RNF38: variants seen among roughly 807,000 people sequenced by gnomAD.
RNF38 encodes the protein E3 ubiquitin-protein ligase RNF38.
RNF38 carries 15 observed loss-of-function variants against 67.2 expected under a neutral mutation model. That is an observed-to-expected ratio of 0.22 (90% CI 0.15 to 0.34). The LOEUF (loss-of-function observed/expected upper bound fraction) is 0.34, where lower values mean the gene tolerates loss of function less well. Among genes scored for constraint, RNF38 ranks in the 10% least tolerant of loss-of-function variants. The pLI is 1.00. For missense variants in RNF38, 524 were observed against 639.9 expected (o/e 0.82, Z 1.95); for synonymous variants, 220 against 218.8 (o/e 1.01, Z -0.05).
chr9:36,364,175 C>G (rs930567880), intron 4 of RNF38, among the ~76,000 whole-genome samples: 32 of 152,174 alleles, frequency 2.1e-4, no homozygotes, highest in African/African-American at 7.5e-4. Context: ...CTCTCCTCCA[C>G]CAGAGACAGC....
chr9:36,457,785 G>A (rs1839627831), intron 1 of RNF38, among the ~76,000 whole-genome samples: 1 of 152,118 alleles, frequency 6.6e-6, no homozygotes, highest in East Asian at 1.9e-4. Context: ...GTGGGCACCT[G>A]TGAGCTGAGA....
Position 36,342,522 on chromosome 9 carries a change from C to A in RNF38, c.1386-98G>T, listed in dbSNP as rs903895283. The A allele has an allele frequency of 1.6e-5, 12 of 769,092 alleles. No homozygotes were observed. In the South Asian group the frequency reaches 1.6e-4, roughly 10 times the overall value. The allele number at this position is 769,092 out of a possible 1,614,324, so 47.6% of individuals were successfully genotyped here. The stretch of plus-strand genomic sequence containing the variant: ...AAGATAATTTATTCTGTTATCAAAA[C>A]GTCACTTAAATTTTTAAACAAAATT... On this transcript the variant is annotated intron_variant, in intron 10 of 11. Transcript: ENST00000259605.
intron 1 of RNF38, among the ~76,000 whole-genome samples, chr9:36,435,034 C>T (rs1292838131): frequency 1.3e-5 from 2 of 152,144 alleles, no homozygotes; most frequent in Non-Finnish European, 2.9e-5. Context: ...AAAGAAAAAG[C>T]TCCACTATAT....
intron 2 of RNF38, among the ~76,000 whole-genome samples, chr9:36,379,042 A>G (rs999403515): frequency 1.3e-5 from 2 of 151,998 alleles, no homozygotes; most frequent in Non-Finnish European, 2.9e-5. Context: ...CTGGGATTAC[A>G]GGCATGCACC....
At chr9:36,406,854 G>A (rs1838196320) in intron 2 of RNF38, among the ~76,000 whole-genome samples, 1 of 152,160 alleles carries the variant, frequency 6.6e-6, no homozygotes, top group Non-Finnish European at 1.5e-5. Flanking sequence ...CCAGCTAAAA[G>A]GACTGAATAA....
chr9:36,403,045 C>T (rs1052597713), upstream of RNF38, among the ~76,000 whole-genome samples: 21 of 152,088 alleles, frequency 1.4e-4, no homozygotes, highest in African/African-American at 4.8e-4. Flanking sequence ...AGCAGTCCTC[C>T]CATATTGGCC....
At chr9:36,461,702 G>T (rs1360602165) in intron 1 of RNF38, among the ~76,000 whole-genome samples, 1 of 152,106 alleles carries the variant, frequency 6.6e-6, no homozygotes, top group Admixed American at 6.6e-5. Context: ...GAGATGTGCT[G>T]GAAAGGACAA....
intron 1 of RNF38, among the ~76,000 whole-genome samples, chr9:36,462,408 C>A (rs577698827): frequency 6.6e-6 from 1 of 152,214 alleles, no homozygotes; most frequent in Admixed American, 6.5e-5. Flanking sequence ...AGCACAGCGG[C>A]CAGAAAGATC....
chr9:36,404,304 C>T (rs764254689), upstream of RNF38, among the ~76,000 whole-genome samples: 6 of 152,150 alleles, frequency 3.9e-5, no homozygotes, highest in Non-Finnish European at 7.3e-5. Flanking sequence ...TATCCCTGTG[C>T]TGATCCACAC....
chr9:36,411,466 C>T (rs549394502), intron 2 of RNF38, among the ~76,000 whole-genome samples: 1 of 152,262 alleles, frequency 6.6e-6, no homozygotes, highest in African/African-American at 2.4e-5. Flanking sequence ...ACTTGTCCAC[C>T]CGTGTTCATA....
intron 4 of RNF38, among the ~76,000 whole-genome samples, chr9:36,361,578 A>T (rs1834539110): frequency 6.6e-6 from 1 of 152,216 alleles, no homozygotes; most frequent in East Asian, 1.9e-4. Flanking sequence ...ATGAGATCAT[A>T]CAACACTTGA....
intron 10 of RNF38, among the ~76,000 whole-genome samples, chr9:36,344,544 TGAC>T (rs1351054202): frequency 6.6e-6 from 1 of 152,182 alleles, no homozygotes; most frequent in African/African-American, 2.4e-5. Flanking sequence ...CTTTCTAAGA[TGAC>T]AGAAATGTTC....
chr9:36,404,614 A>G (rs1270255012), upstream of RNF38, among the ~76,000 whole-genome samples: 1 of 152,224 alleles, frequency 6.6e-6, no homozygotes, highest in Non-Finnish European at 1.5e-5. Context: ...ATAGTTTTCT[A>G]TCAAGGTCTT....
intron 1 of RNF38, among the ~76,000 whole-genome samples, chr9:36,451,019 T>C (rs1839424742): frequency 6.6e-6 from 1 of 152,154 alleles, no homozygotes. Flanking sequence ...TAAAGTATAC[T>C]TAAATACGAC....
At chr9:36,460,166 A>G (rs1031080084) in intron 1 of RNF38, among the ~76,000 whole-genome samples, 3 of 152,204 alleles carry the variant, frequency 2.0e-5, no homozygotes, top group African/African-American at 7.2e-5. Context: ...TGCCTAGAAG[A>G]TACTAAGAAT....
rs2133585209 is a variant in RNF38 at position 36,357,830 on chromosome 9, C to G, written c.683G>C (p.Gly228Ala). Residue 228 changes from glycine (G) to alanine (A), a missense_variant, in exon 5 of 12, where the codon GGA becomes GCA. This residue lies in a region of RNF38 where 461 missense variants were observed against 517.4 expected (regional missense o/e 0.89). Transcript: ENST00000259605. ...IPACSTQQVP[G>A]CSVVFSGQHL... ...CTGTCCACTGAAAACCACAGAGCAT[C>G]CTGGGACCTGCTGTGTACTACAAGC... 6.2e-7 allele frequency: 1 copy of G among 1,613,910 alleles called. No individual in the cohort carries two copies. The highest frequency in any genetic ancestry group is 8.5e-7 in the Non-Finnish European group (1 of 1,179,908).
At chr9:36,460,394 A>G (rs2134371030) in intron 1 of RNF38, among the ~76,000 whole-genome samples, 1 of 152,302 alleles carries the variant, frequency 6.6e-6, no homozygotes, top group Middle Eastern at 3.4e-3. Context: ...ACTATCATAC[A>G]TATACATACT....
chr9:36,345,702 CT>C (rs910137147), intron 9 of RNF38, among the ~76,000 whole-genome samples: 29 of 152,218 alleles, frequency 1.9e-4, no homozygotes, highest in African/African-American at 6.5e-4. Context: ...GTTCAAATGT[CT>C]TTGTTTTCAA....
intron 1 of RNF38, among the ~76,000 whole-genome samples, chr9:36,397,615 C>A (rs538157255): frequency 6.6e-6 from 1 of 152,132 alleles, no homozygotes; most frequent in East Asian, 1.9e-4. Context: ...GTGAAAACAG[C>A]CTAAGGCTCC....
Sources: allele counts gnomAD v4.1 joint callset (sites outside exome capture counted in the v4.1 genomes callset), GRCh38; gene constraint gnomAD v4.1.1; regional missense constraint gnomAD v4.1.1; transcripts MANE v1.5; gene names NCBI Gene and HGNC (gene_info 2026-07-23, HGNC 2026-07-21).